The following IFT88 variants were observed in gnomAD, a reference collection of about 807,000 sequenced individuals.
IFT88 encodes the protein intraflagellar transport protein 88 homolog.
In IFT88, 74 loss-of-function variants were observed where a neutral mutation model predicts 119.5. That is an observed-to-expected ratio of 0.62 (90% CI 0.51 to 0.75). IFT88 has a LOEUF of 0.75. Among genes scored for constraint, IFT88 ranks in the 30% least tolerant of loss-of-function variants. The pLI, the probability that IFT88 is intolerant of heterozygous loss-of-function variation, is 0.00. For missense variants in IFT88, 961 were observed against 977.7 expected (o/e 0.98, Z 0.23); for synonymous variants, 279 against 316.7 (o/e 0.88, Z 1.26).
chr13:20,596,979 C>A, intron 8 of IFT88, 36 bp from the exon 9 acceptor site: 1 of 1,204,920 alleles, frequency 8.3e-7, no homozygotes, highest in Non-Finnish European at 1.2e-6. Context: ...TTGATGAACA[C>A]TCAAAGGAAG....
At chr13:20,601,060 A>G (rs1209696588) in intron 11 of IFT88, among the ~76,000 whole-genome samples, 1 of 152,196 alleles carries the variant, frequency 6.6e-6, no homozygotes, top group Non-Finnish European at 1.5e-5. Context: ...TAGAAGAGAC[A>G]GAGAGACAGA....
At chr13:20,672,121 A>AAAGTTTCCC (rs1170686403) in intron 24 of IFT88, among the ~76,000 whole-genome samples, 5 of 152,146 alleles carry the variant, frequency 3.3e-5, no homozygotes, top group African/African-American at 1.2e-4. Context: ...TTTCCTAGGG[A>AAAGTTTCCC]TAGAAACTGC....
At chr13:20,627,605 C>A (rs2047534289) in intron 15 of IFT88, among the ~76,000 whole-genome samples, 1 of 151,898 alleles carries the variant, frequency 6.6e-6, no homozygotes, top group African/African-American at 2.4e-5. Context: ...GTGGCATGCG[C>A]CTGTAGTCCC....
chr13:20,574,416 A>G lies in IFT88; in HGVS notation c.31A>G (p.Thr11Ala). ...GCAAAATGTGCACCTGGCTCCAGAG[A>G]CAGATGAAGATGATCTTTATTCCGG... MMQNVHLAPE[T>A]DEDDLYSGYN... Residue 11 changes from threonine to alanine, a missense_variant, in exon 2 of 26, where the codon ACA becomes GCA. Thr to Ala is a moderately conservative substitution (Grantham distance 58). Transcript: ENST00000351808. The G allele has an allele frequency of 1.9e-6, 3 of 1,612,042 alleles. No individual in the cohort carries two copies. Among genetic ancestry groups the G allele is most frequent in the Non-Finnish European group, 2.5e-6 (3 of 1,178,656 alleles).
intron 1 of IFT88, among the ~76,000 whole-genome samples, chr13:20,572,828 G>T (rs892748559): frequency 2.0e-5 from 3 of 152,170 alleles, no homozygotes; most frequent in African/African-American, 7.2e-5. Flanking sequence ...GTTTTCTACC[G>T]CAAATTAGCT....
rs935584231 is a variant in IFT88 at position 20,619,017 on chromosome 13, C to T, written c.1199+3138C>T. On this transcript the variant is annotated intron_variant, in intron 14 of 25. Coordinates refer to ENST00000351808, the MANE Select transcript of IFT88 (RefSeq NM_006531.5). ...GACTACAGGCGCACATTGCCACGCC[C>T]GGCCAATTTTTTGTATTTTTAGTTG... Among the ~76,000 whole-genome samples the T allele has an allele frequency of 5.3e-5, 8 of 151,784 alleles. No individual in the cohort carries two copies. In the South Asian group the frequency reaches 6.3e-4, roughly 12 times the overall value.
intron 16 of IFT88, among the ~76,000 whole-genome samples, chr13:20,636,420 A>G (rs914679606): frequency 1.3e-5 from 2 of 152,200 alleles, no homozygotes; most frequent in Non-Finnish European, 2.9e-5. Context: ...CTACCTGCAA[A>G]CTAAACAGTT....
chr13:20,644,918 GA>G lies in IFT88; in HGVS notation c.1914del (p.Ala639LeufsTer16). 3 of 1,602,690 alleles carry G rather than the reference GA, an allele frequency of 1.9e-6. No individual in the cohort carries two copies. The highest frequency in any genetic ancestry group is 1.7e-6 in the Non-Finnish European group (2 of 1,171,530). The part of the protein sequence containing the change: ...GAYYIDTQFW[E>X]KAIQYFERAS... ...CTATTACATTGACACCCAATTTTGGGAAAAAGCTATTCAGTACTTTGAAAGA... is the reference window on the plus strand; with the variant it reads ...CTATTACATTGACACCCAATTTTGGGAAAAGCTATTCAGTACTTTGAAAGA... On this transcript the variant is annotated frameshift_variant, in exon 20 of 26. Coordinates refer to ENST00000351808, the MANE Select transcript of IFT88 (RefSeq NM_006531.5). LOFTEE classifies it high-confidence loss of function.
chr13:20,606,713 T>C (rs896286454), intron 13 of IFT88, among the ~76,000 whole-genome samples: 1 of 151,990 alleles, frequency 6.6e-6, no homozygotes, highest in African/African-American at 2.4e-5. Context: ...ACCTCATCTT[T>C]ACTAAAAATA....
At chr13:20,637,259 AG>A (rs895622265) in intron 16 of IFT88, among the ~76,000 whole-genome samples, 1 of 152,208 alleles carries the variant, frequency 6.6e-6, no homozygotes, top group East Asian at 1.9e-4. Flanking sequence ...TACATTTTAA[AG>A]GGGTCAGGTT....
At chr13:20,578,034 CTTTTTTTTTTTTTTT>C (rs57202566) in intron 2 of IFT88, among the ~76,000 whole-genome samples, 4 of 55,872 alleles carry the variant, frequency 7.2e-5, no homozygotes, top group Admixed American at 5.7e-4. Flanking sequence ...CTTGTTACTT[CTTTTTTTTTTTTTTT>C]TTTTTTTTTT....
chr13:20,641,411 A>C lies in IFT88; in HGVS notation c.1682+13A>C. 1 of 1,505,900 alleles carries C rather than the reference A, an allele frequency of 6.6e-7. No individual in the cohort carries two copies. The highest frequency in any genetic ancestry group is 9.2e-7 in the Non-Finnish European group (1 of 1,085,226). The allele number at this position is 1,505,900 out of a possible 1,614,324, so 93.3% of individuals were successfully genotyped here. The stretch of plus-strand genomic sequence containing the variant: ...AGATAGCAAATATGTATCTTATTTG[A>C]AAACCTTAGGGACAGTTATTAATTC... On this transcript the variant is annotated intron_variant, in intron 18 of 25. Coordinates refer to ENST00000351808, the MANE Select transcript of IFT88 (RefSeq NM_006531.5).
intron 2 of IFT88, among the ~76,000 whole-genome samples, chr13:20,575,935 G>A (rs1280519904): frequency 1.3e-5 from 2 of 152,100 alleles, no homozygotes; most frequent in Non-Finnish European, 2.9e-5. Context: ...GTTTTTTGAG[G>A]AACCTCTAAA....
At position 20,599,499 on chromosome 13, in the gene IFT88, A is replaced by C; in HGVS notation, c.746A>C (p.Tyr249Ser). Reference protein sequence around the residue: ...MGNIYLKQRNYSKAIKFYRMA... With the variant: ...MGNIYLKQRNSSKAIKFYRMA... ...AATATCTATTTAAAGCAAAGAAATT[A>C]TTCCAAAGCCATTAAATTCTACCGA... The change falls in exon 11 of 26, where the codon TAT (tyrosine) becomes TCT (serine). Residue 249 changes from tyrosine to serine, a missense_variant. Tyr to Ser is a moderately radical substitution (Grantham distance 144). Coordinates refer to ENST00000351808, the MANE Select transcript of IFT88 (RefSeq NM_006531.5). The C allele has an allele frequency of 1.3e-6, 2 of 1,554,612 alleles. No homozygotes were observed. Among genetic ancestry groups the C allele is most frequent in the Non-Finnish European group, 1.8e-6 (2 of 1,136,592 alleles).
At chr13:20,588,685 C>T (rs1165731891) in intron 3 of IFT88, among the ~76,000 whole-genome samples, 4 of 152,218 alleles carry the variant, frequency 2.6e-5, no homozygotes, top group African/African-American at 9.6e-5. Context: ...AGAACTTTTA[C>T]ATCACTACAG....
intron 24 of IFT88, among the ~76,000 whole-genome samples, chr13:20,677,662 T>C (rs2056841598): frequency 6.6e-6 from 1 of 152,214 alleles, no homozygotes; most frequent in Non-Finnish European, 1.5e-5. Context: ...TTTCTAGATA[T>C]AAACAAATAC....
intron 22 of IFT88, among the ~76,000 whole-genome samples, chr13:20,659,785 AG>A (rs1240531617): frequency 2.0e-5 from 3 of 152,062 alleles, no homozygotes; most frequent in Non-Finnish European, 4.4e-5. Flanking sequence ...CTGGGATTAC[AG>A]GTGCCTGCCA....
chr13:20,691,020 A>G (rs148009939), intron 25 of IFT88, 34 bp from the exon 26 acceptor site: 5 of 1,603,880 alleles, frequency 3.1e-6, no homozygotes, highest in African/African-American at 2.7e-5. Flanking sequence ...GTTTGTTTAC[A>G]TAACTCTAAC....
chr13:20,596,982 A>G (rs202068854), intron 8 of IFT88, 33 bp from the exon 9 acceptor site: 3 of 1,240,310 alleles, frequency 2.4e-6, no homozygotes, highest in South Asian at 2.7e-5. Flanking sequence ...ATGAACACTC[A>G]AAGGAAGTTA....
Sources: gnomAD v4.1 joint callset for allele counts (sites outside exome capture counted in the v4.1 genomes callset) on GRCh38, gnomAD v4.1.1 for gene constraint, MANE v1.5 for transcripts, NCBI Gene and HGNC (gene_info 2026-07-23, HGNC 2026-07-21) for gene names.